Variants in COX10 observed in about 807,000 individuals in gnomAD.
COX10 encodes protoheme IX farnesyltransferase, mitochondrial.
COX10 carries 27 observed loss-of-function variants against 37.3 expected under a neutral mutation model. The ratio of observed to expected loss-of-function variants is 0.72; its 90% CI spans 0.53 to 1.00. The LOEUF is 1.00. COX10 is among the 50% of genes least tolerant of loss of function. The pLI, the probability that COX10 is intolerant of heterozygous loss-of-function variation, is 0.00. For missense variants in COX10, 475 were observed against 563.2 expected (o/e 0.84, Z 1.59); for synonymous variants, 222 against 229.1 (o/e 0.97, Z 0.28).
chr17:14,167,575 A>G (rs147408999), intron 5 of COX10, among the ~76,000 whole-genome samples: 6,145 of 152,272 alleles, frequency 0.04, 182 homozygotes, highest in African/African-American at 0.082. Flanking sequence ...TCATTTATAA[A>G]GAAAAGAGGT....
chr17:14,114,452 C>A (rs1597506179), intron 4 of COX10, among the ~76,000 whole-genome samples: 1 of 152,002 alleles, frequency 6.6e-6, no homozygotes, highest in African/African-American at 2.4e-5. Context: ...ACATAGAATT[C>A]GTAATTGCAT....
rs75405981 is a variant in COX10 at position 14,144,176 on chromosome 17, A to C, written c.625-15701A>C. Reference sequence around the variant, plus strand: ...TATAACTGTGTTTGGACCTCTGTAGATTTGCCAATTTTATTGATTAGTATG... The same window carrying C: ...TATAACTGTGTTTGGACCTCTGTAGCTTTGCCAATTTTATTGATTAGTATG... On this transcript the variant is annotated intron_variant, in intron 4 of 6. Transcript: ENST00000261643. Among the ~76,000 whole-genome samples, 75 of 151,572 alleles carry C rather than the reference A, an allele frequency of 4.9e-4. 1 individual carries two copies. The highest frequency in any genetic ancestry group is 1.8e-3 in the African/African-American group (73 of 41,462).
chr17:14,109,001 T>C (rs1255613505), intron 4 of COX10, among the ~76,000 whole-genome samples: 1 of 152,160 alleles, frequency 6.6e-6, no homozygotes, highest in African/African-American at 2.4e-5. Flanking sequence ...TTATTGAACA[T>C]CATACATATA....
At chr17:14,088,634 A>C (rs1597495869) in intron 3 of COX10, among the ~76,000 whole-genome samples, 1 of 152,206 alleles carries the variant, frequency 6.6e-6, no homozygotes, top group East Asian at 1.9e-4. Flanking sequence ...TGAGAACTTT[A>C]AAGAAGAAAA....
At chr17:14,172,572 C>CTTTTCCTTTTTTTTTTT (rs1567607448) in intron 5 of COX10, among the ~76,000 whole-genome samples, 1 of 122,764 alleles carries the variant, frequency 8.1e-6, no homozygotes. Context: ...TTCTTTTTTT[C>CTTTTCCTTTTTTTTTTT]TTTTTCTTTT....
chr17:14,169,733 T>C (rs1376566898), intron 5 of COX10, among the ~76,000 whole-genome samples: 1 of 152,202 alleles, frequency 6.6e-6, no homozygotes, highest in Non-Finnish European at 1.5e-5. Context: ...TTAGAGTGCA[T>C]ATGTTACATA....
intron 4 of COX10, among the ~76,000 whole-genome samples, chr17:14,152,445 C>G (rs900312073): frequency 6.6e-6 from 1 of 152,188 alleles, no homozygotes; most frequent in Non-Finnish European, 1.5e-5. Context: ...TCAGTTCTCT[C>G]CCACCAGGTC....
intron 5 of COX10, chr17:14,182,202 G>C (rs1275424367): frequency 2.3e-6 from 2 of 885,488 alleles, no homozygotes; most frequent in African/African-American, 3.6e-5. Context: ...GCTGAGGTGG[G>C]AGAATCACTT....
At position 14,166,293 on chromosome 17, in the gene COX10, A is replaced by G. The variant is rs907589708; in HGVS notation, c.695+6346A>G. 9.2e-5 allele frequency among the ~76,000 whole-genome samples: 14 copies of G among 152,364 alleles called. No individual in the cohort carries two copies. In the East Asian group the frequency reaches 1.9e-3, roughly 21 times the overall value. On this transcript the variant is annotated intron_variant, in intron 5 of 6. Transcript: ENST00000261643. ...CTCATTAGAGGCTAAGACTGATGCT[A>G]TCTTTGAGTTGAAGCCAGTGCTCAT... is the stretch of plus-strand genomic sequence containing the variant.
chr17:14,157,051 C>T (rs1905056240), intron 4 of COX10, among the ~76,000 whole-genome samples: 4 of 152,202 alleles, frequency 2.6e-5, no homozygotes, highest in African/African-American at 2.4e-5. Flanking sequence ...TCCAATAAAA[C>T]TTTGTTTATG....
chr17:14,190,546 A>G (rs560425591), intron 5 of COX10, among the ~76,000 whole-genome samples: 1 of 152,302 alleles, frequency 6.6e-6, no homozygotes, highest in African/African-American at 2.4e-5. Context: ...ATTTTCCATC[A>G]AAATTCTCAT....
chr17:14,082,513 G>A (rs933478194), intron 3 of COX10, among the ~76,000 whole-genome samples: 1 of 152,112 alleles, frequency 6.6e-6, no homozygotes, highest in Non-Finnish European at 1.5e-5. Context: ...AGGAAAATAG[G>A]ATAACTAGTT....
intron 4 of COX10, among the ~76,000 whole-genome samples, chr17:14,158,791 A>T (rs933285571): frequency 6.6e-6 from 1 of 151,696 alleles, no homozygotes; most frequent in African/African-American, 2.4e-5. Flanking sequence ...ATCTCCGGGG[A>T]TGGTAAGGGA....
At chr17:14,139,682 A>T (rs1042484912) in intron 4 of COX10, among the ~76,000 whole-genome samples, 2 of 152,110 alleles carry the variant, frequency 1.3e-5, no homozygotes, top group African/African-American at 4.8e-5. Flanking sequence ...AAGAGGAAAA[A>T]ATACAGGTGG....
intron 5 of COX10, among the ~76,000 whole-genome samples, chr17:14,191,614 T>C (rs1906202732): frequency 1.3e-5 from 2 of 152,212 alleles, no homozygotes; most frequent in Admixed American, 6.5e-5. Flanking sequence ...CAGGAGGCAT[T>C]GTCTCAGTCA....
chr17:14,160,591 G>A (rs1333044030), intron 5 of COX10, among the ~76,000 whole-genome samples: 2 of 152,116 alleles, frequency 1.3e-5, no homozygotes, highest in African/African-American at 4.8e-5. Context: ...CTTTCTTCAC[G>A]TTTCCAGGCA....
chr17:14,139,386 A>G (rs879742375), intron 4 of COX10, among the ~76,000 whole-genome samples: 1 of 152,192 alleles, frequency 6.6e-6, no homozygotes, highest in Non-Finnish European at 1.5e-5. Flanking sequence ...TTGTTTATTT[A>G]TAGCAAATTT....
intron 3 of COX10, among the ~76,000 whole-genome samples, chr17:14,093,853 G>A (rs1470008239): frequency 6.6e-6 from 1 of 152,186 alleles, no homozygotes; most frequent in Non-Finnish European, 1.5e-5. Flanking sequence ...TCAGTTAGTG[G>A]AATTTTCTTT....
At chr17:14,163,250 T>TTTAC (rs972697924) in intron 5 of COX10, among the ~76,000 whole-genome samples, 2 of 151,116 alleles carry the variant, frequency 1.3e-5, no homozygotes, top group African/African-American at 4.9e-5. Flanking sequence ...TATTTATTTA[T>TTTAC]TTATTTATTT....
Sources: allele counts gnomAD v4.1 joint callset (sites outside exome capture counted in the v4.1 genomes callset), GRCh38; gene constraint gnomAD v4.1.1; transcripts MANE v1.5; gene names NCBI Gene and HGNC (gene_info 2026-07-23, HGNC 2026-07-21).